The following ZFHX3 variants were observed in gnomAD, a reference collection of about 807,000 sequenced individuals.
ZFHX3 encodes the protein zinc finger homeobox protein 3.
In ZFHX3, 42 loss-of-function variants were observed where a neutral mutation model predicts 279.1. The observed-to-expected ratio is 0.15, with a 90% confidence interval of 0.12 to 0.19. The LOEUF (loss-of-function observed/expected upper bound fraction) is 0.19, where lower values mean the gene tolerates loss of function less well. ZFHX3 is among the 10% of genes least tolerant of loss of function. The pLI is 1.00. For missense variants in ZFHX3, 4,981 were observed against 4,754.0 expected (o/e 1.05, Z -1.40); for synonymous variants, 2,293 against 1,957.8 (o/e 1.17, Z -4.52).
At chr16:73,414,716 T>C (rs562002195) in intron 3 of ZFHX3, among the ~76,000 whole-genome samples, 66 of 152,272 alleles carry the variant, frequency 4.3e-4, no homozygotes, top group African/African-American at 1.5e-3. Flanking sequence ...CACGTGCCTA[T>C]GGTCCCAGCT....
At chr16:73,093,363 A>G (rs1966113752) in exon 8 of ZFHX3, 1 of 413,270 alleles carries the variant, frequency 2.4e-6, no homozygotes, top group Non-Finnish European at 4.8e-6. Flanking sequence ...TCTGAAAGCC[A>G]CAGGGGACGA....
intron 2 of ZFHX3, among the ~76,000 whole-genome samples, chr16:73,651,680 C>CAAAAAAA (rs57386925): frequency 4.8e-5 from 2 of 41,660 alleles, no homozygotes; most frequent in African/African-American, 6.5e-5. Flanking sequence ...ACTAAAAATA[C>CAAAAAAA]AAAAAAAAAA....
chr16:73,020,067 C>T (rs937042496), intron 1 of ZFHX3, among the ~76,000 whole-genome samples: 1 of 152,104 alleles, frequency 6.6e-6, no homozygotes, highest in Non-Finnish European at 1.5e-5. Flanking sequence ...TCACACAGAT[C>T]CTTCACATTC....
chr16:73,607,668 C>T (rs1009630467), intron 2 of ZFHX3, among the ~76,000 whole-genome samples: 5 of 152,200 alleles, frequency 3.3e-5, no homozygotes, highest in Admixed American at 2.6e-4. Flanking sequence ...ATGAATACTA[C>T]TACTTACCCA....
chr16:73,008,165 A>C (rs1963783119), intron 1 of ZFHX3, among the ~76,000 whole-genome samples: 2 of 152,144 alleles, frequency 1.3e-5, no homozygotes, highest in Non-Finnish European at 2.9e-5. Flanking sequence ...TGAGTTGAAT[A>C]CTTAATTCAT....
intron 2 of ZFHX3, among the ~76,000 whole-genome samples, chr16:73,679,037 G>A (rs926498911): frequency 2.0e-5 from 3 of 151,980 alleles, no homozygotes; most frequent in Non-Finnish European, 2.9e-5. Flanking sequence ...AGCCTGGCTC[G>A]TGCTCATAGG....
chr16:73,455,473 A>C (rs1299188788), intron 3 of ZFHX3, among the ~76,000 whole-genome samples: 1 of 152,206 alleles, frequency 6.6e-6, no homozygotes, highest in African/African-American at 2.4e-5. Flanking sequence ...GTCTCAACTC[A>C]AGAACATTCC....
intron 1 of ZFHX3, among the ~76,000 whole-genome samples, chr16:73,690,222 A>C (rs775860177): frequency 6.6e-6 from 1 of 152,184 alleles, no homozygotes; most frequent in African/African-American, 2.4e-5. Context: ...AAGAAGCACA[A>C]ACAAGGTTTT....
At chr16:73,092,553 T>C (rs1416774415) in intron 8 of ZFHX3, 1 of 162,676 alleles carries the variant, frequency 6.1e-6, no homozygotes, top group Non-Finnish European at 1.3e-5. Flanking sequence ...GCAAGCTCTG[T>C]CTCCACACAA....
intron 1 of ZFHX3, among the ~76,000 whole-genome samples, chr16:73,746,166 T>C (rs943734902): frequency 1.4e-4 from 21 of 152,286 alleles, no homozygotes; most frequent in Admixed American, 2.0e-4. Context: ...CATTTGATTA[T>C]TGCATCAATC....
At chr16:73,063,316 CAGA>C (rs1448692765), upstream of ZFHX3, among the ~76,000 whole-genome samples, 22 of 152,226 alleles carry the variant, frequency 1.4e-4, no homozygotes, top group Non-Finnish European at 3.1e-4. Context: ...CTGGAAATGG[CAGA>C]AGATGAGATA....
At chr16:73,040,324 G>GC (rs1436011317) in intron 1 of ZFHX3, among the ~76,000 whole-genome samples, 2 of 151,960 alleles carry the variant, frequency 1.3e-5, no homozygotes, top group African/African-American at 4.8e-5. Context: ...GAACAGCCCA[G>GC]CCAGGCTGGG....
intron 4 of ZFHX3, among the ~76,000 whole-genome samples, chr16:72,882,042 C>T (rs769789820): frequency 2.5e-4 from 38 of 152,114 alleles, no homozygotes; most frequent in Admixed American, 7.2e-4. Context: ...GATGAGCCAA[C>T]GGGGGTCTCT....
intron 3 of ZFHX3, among the ~76,000 whole-genome samples, chr16:73,416,746 C>G (rs138450153): frequency 6.8e-6 from 1 of 147,648 alleles, no homozygotes. Context: ...CGGTGGCGGG[C>G]GCCTGTAGTC....
intron 4 of ZFHX3, among the ~76,000 whole-genome samples, chr16:72,863,144 A>G (rs904251394): frequency 8.6e-5 from 13 of 151,950 alleles, no homozygotes; most frequent in Non-Finnish European, 1.6e-4. Flanking sequence ...TATGAACTCA[A>G]TATTTGATGA....
At chr16:73,740,190 A>C (rs865805184) in intron 1 of ZFHX3, among the ~76,000 whole-genome samples, 1 of 152,174 alleles carries the variant, frequency 6.6e-6, no homozygotes, top group Non-Finnish European at 1.5e-5. Context: ...CTGAGACTTT[A>C]AACTCAAGGA....
intron 1 of ZFHX3, among the ~76,000 whole-genome samples, chr16:73,767,902 T>C (rs911090915): frequency 6.6e-6 from 1 of 152,190 alleles, no homozygotes. Context: ...AAGGGACTAA[T>C]TGCAAAGGTG....
chr16:73,831,785 C>T (rs999762056), intron 1 of ZFHX3, among the ~76,000 whole-genome samples: 7 of 152,280 alleles, frequency 4.6e-5, no homozygotes, highest in Non-Finnish European at 1.0e-4. Flanking sequence ...AGGGAAGGGG[C>T]GGAGGAAGTT....
chr16:72,801,506 G>C (rs1443782279), intron 7 of ZFHX3, among the ~76,000 whole-genome samples: 1 of 152,062 alleles, frequency 6.6e-6, no homozygotes, highest in Non-Finnish European at 1.5e-5. Context: ...ATCAACATAG[G>C]ATAACTCCTC....
Sources: gnomAD v4.1 joint callset for allele counts (sites outside exome capture counted in the v4.1 genomes callset) on GRCh38, gnomAD v4.1.1 for gene constraint, MANE v1.5 for transcripts, NCBI Gene and HGNC (gene_info 2026-07-23, HGNC 2026-07-21) for gene names.